The following MARCO variants were observed in gnomAD, a reference collection of about 807,000 sequenced individuals.
The protein encoded by MARCO is macrophage receptor with collagenous structure, also known as macrophage receptor MARCO.
MARCO carries 72 observed loss-of-function variants against 70.0 expected under a neutral mutation model. The observed-to-expected ratio is 1.03, with a 90% CI of 0.85 to 1.25. The LOEUF (loss-of-function observed/expected upper bound fraction) is 1.25, where lower values mean the gene tolerates loss of function less well. Among genes scored for constraint, MARCO ranks in the 50% most tolerant of loss-of-function variants. MARCO has a pLI of 0.00. For synonymous variants in MARCO, 273 were observed against 243.1 expected (o/e 1.12, Z -1.14); for missense variants, 696 against 659.3 (o/e 1.06, Z -0.61).
intron 4 of MARCO, among the ~76,000 whole-genome samples, chr2:118,972,648 C>T (rs1179251673): frequency 1.3e-5 from 2 of 152,146 alleles, no homozygotes; most frequent in Non-Finnish European, 2.9e-5. Context: ...CAATGATGTT[C>T]TTGTCTTCGT....
intron 1 of MARCO, among the ~76,000 whole-genome samples, chr2:118,948,483 A>C (rs1014495378): frequency 1.3e-5 from 2 of 152,226 alleles, no homozygotes; most frequent in African/African-American, 4.8e-5. Context: ...GCCTGTGAGC[A>C]TGTTCAGCAG....
Position 118,994,523 on chromosome 2 carries a change from C to G in MARCO, c.*3C>G, listed in dbSNP as rs188183726. On this transcript the variant is annotated 3_prime_UTR_variant, in exon 17 of 17. Coordinates refer to ENST00000327097, the MANE Select transcript of MARCO (RefSeq NM_006770.4). ...CAGGCGTGGAGTGCAGCGTCTGACC[C>G]GGAAACCCTTTCACTTCTCTGCTCC... 2 of 1,576,312 alleles carry G rather than the reference C, an allele frequency of 1.3e-6. No homozygotes were observed. The highest frequency in any genetic ancestry group is 1.7e-6 in the Non-Finnish European group (2 of 1,161,446).
chr2:118,959,488 G>T (rs973567356), intron 1 of MARCO, among the ~76,000 whole-genome samples: 2 of 152,128 alleles, frequency 1.3e-5, no homozygotes, highest in Admixed American at 6.5e-5. Flanking sequence ...AAAAACCACA[G>T]ATGTTGGCAT....
At chr2:118,971,994 C>A (rs1195356279) in intron 4 of MARCO, among the ~76,000 whole-genome samples, 1 of 152,198 alleles carries the variant, frequency 6.6e-6, no homozygotes, top group Non-Finnish European at 1.5e-5. Flanking sequence ...GCAGGCTGTG[C>A]GGTCAGGCCG....
At chr2:118,942,956 G>C (rs1679533122) in intron 1 of MARCO, among the ~76,000 whole-genome samples, 1 of 152,176 alleles carries the variant, frequency 6.6e-6, no homozygotes. Context: ...AGTCAACTCT[G>C]TTGTCTTTAT....
intron 1 of MARCO, among the ~76,000 whole-genome samples, chr2:118,956,574 A>C (rs1246343233): frequency 6.6e-6 from 1 of 152,152 alleles, no homozygotes; most frequent in Non-Finnish European, 1.5e-5. Flanking sequence ...CTGACAGCAC[A>C]GGAGGGTCAT....
At chr2:118,943,538 T>G (rs1679542476) in intron 1 of MARCO, among the ~76,000 whole-genome samples, 1 of 152,124 alleles carries the variant, frequency 6.6e-6, no homozygotes, top group Non-Finnish European at 1.5e-5. Flanking sequence ...CAGGGTAAGC[T>G]GCCCATGAAC....
At chr2:118,983,910 G>C (rs1046907408) in intron 12 of MARCO, among the ~76,000 whole-genome samples, 1 of 152,166 alleles carries the variant, frequency 6.6e-6, no homozygotes, top group Non-Finnish European at 1.5e-5. Flanking sequence ...CAAGCCCCAA[G>C]CTTGTGTCTT....
chr2:118,988,299 G>A (rs1374293755), intron 12 of MARCO, among the ~76,000 whole-genome samples: 1 of 152,060 alleles, frequency 6.6e-6, no homozygotes, highest in Non-Finnish European at 1.5e-5. Flanking sequence ...TGTCTTTAGA[G>A]GGTGTTTGCT....
Position 118,990,569 on chromosome 2 carries a change from CTTTT to C in MARCO, c.1064-17_1064-14del. On this transcript the variant is annotated splice_polypyrimidine_tract_variant and intron_variant, in intron 12 of 16. Transcript: ENST00000327097. ...AGTTTTATTATCTCCTCCCCCCCCC[CTTTT>C]TTGTTTTGATCTTAGGACTTCAAGG... 7 of 1,415,896 alleles carry C rather than the reference CTTTT, an allele frequency of 4.9e-6. No individual in the cohort carries two copies. Among genetic ancestry groups the C allele is most frequent in the Admixed American group, 1.8e-5 (1 of 54,366 alleles). 87.7% of individuals were successfully genotyped at this position (1,415,896 alleles called of 1,614,324 possible).
At chr2:118,956,701 A>G (rs1339535916) in intron 1 of MARCO, among the ~76,000 whole-genome samples, 7 of 152,152 alleles carry the variant, frequency 4.6e-5, no homozygotes, top group Admixed American at 4.6e-4. Flanking sequence ...ATTCTATTCA[A>G]CAGTGCATGG....
rs1195249614 is a variant in MARCO, at chr2:118,986,558, AAGGG to A, written c.1064-4013_1064-4010del. 1.9e-4 allele frequency among the ~76,000 whole-genome samples: 23 copies of A among 120,874 alleles called. 1 individual carries two copies. Among genetic ancestry groups the A allele is most frequent in the South Asian group, 6.1e-4 (2 of 3,266 alleles). 79.3% of individuals were successfully genotyped at this position (120,874 alleles called of 152,430 possible). On this transcript the variant is annotated intron_variant, in intron 12 of 16. Transcript: ENST00000327097. ...AGAAAGAGAGAGAGAGGAAGGAAGG[AAGGG>A]AGGGAGGGAGGGAGGGAAGGAAAGA...
intron 1 of MARCO, among the ~76,000 whole-genome samples, chr2:118,967,963 C>T (rs958729901): frequency 2.0e-5 from 3 of 152,172 alleles, no homozygotes; most frequent in Non-Finnish European, 2.9e-5. Context: ...CAAGCTCAGG[C>T]CTTGAAGCTA....
chr2:118,983,659 G>C (rs1329518123), intron 12 of MARCO, among the ~76,000 whole-genome samples: 2 of 152,222 alleles, frequency 1.3e-5, no homozygotes, highest in East Asian at 3.9e-4. Context: ...TGTCCATTCT[G>C]ATCTTATAAT....
intron 1 of MARCO, among the ~76,000 whole-genome samples, chr2:118,954,323 T>A (rs1298873525): frequency 6.6e-6 from 1 of 152,118 alleles, no homozygotes; most frequent in East Asian, 1.9e-4. Context: ...ACAACCTGCA[T>A]GACTCAGCAG....
intron 1 of MARCO, among the ~76,000 whole-genome samples, chr2:118,961,073 T>C (rs1679937396): frequency 6.6e-6 from 1 of 152,192 alleles, no homozygotes; most frequent in Non-Finnish European, 1.5e-5. Flanking sequence ...ACGATCTCAT[T>C]CCTTTTCATG....
intron 8 of MARCO, among the ~76,000 whole-genome samples, chr2:118,980,468 C>A (rs74839746): frequency 6.6e-6 from 1 of 152,222 alleles, no homozygotes; most frequent in Non-Finnish European, 1.5e-5. Flanking sequence ...AGAGCTCTCT[C>A]TCCCCTTTTC....
At chr2:118,975,676 A>T (rs1020120574) in intron 6 of MARCO, among the ~76,000 whole-genome samples, 1 of 152,156 alleles carries the variant, frequency 6.6e-6, no homozygotes, top group Admixed American at 6.5e-5. Flanking sequence ...ATCTGTGCAC[A>T]TACTTGCATT....
chr2:118,986,648 AGAAAGAAG>A (rs1366521479), intron 12 of MARCO, among the ~76,000 whole-genome samples: 3 of 39,294 alleles, frequency 7.6e-5, no homozygotes, highest in Admixed American at 2.7e-4. Context: ...AAAGAAAGAA[AGAAAGAAG>A]GAAGGAAGGA....
Sources: gnomAD v4.1 joint callset for allele counts (sites outside exome capture counted in the v4.1 genomes callset) on GRCh38, gnomAD v4.1.1 for gene constraint, MANE v1.5 for transcripts, NCBI Gene and HGNC (gene_info 2026-07-23, HGNC 2026-07-21) for gene names.